FAT4: variants seen among roughly 807,000 people sequenced by gnomAD.
FAT4 encodes the protein protocadherin Fat 4.
FAT4 carries 84 observed loss-of-function variants against 303.9 expected under a neutral mutation model. That is an observed-to-expected ratio of 0.28 (90% CI 0.23 to 0.33). FAT4 has a LOEUF of 0.33. Ranked by LOEUF, FAT4 falls within the 10% of genes least tolerant of loss-of-function variation. The probability of loss-of-function intolerance (pLI) is 1.00; values close to 1 mark genes in which losing one functional copy is unlikely to be tolerated. For synonymous variants in FAT4, 2,307 were observed against 2,298.8 expected (o/e 1.00, Z -0.10); for missense variants, 6,005 against 6,146.8 (o/e 0.98, Z 0.77).
intron 16 of FAT4, 50 bp downstream of exon 16, chr4:125,481,788 T>C (rs1414615228): frequency 3.3e-6 from 5 of 1,520,110 alleles, no homozygotes; most frequent in Non-Finnish European, 4.6e-6. Flanking sequence ...GCCTGCCGTG[T>C]AGTGGTTTAA....
chr4:125,383,214 A>T (rs577211130), intron 2 of FAT4, among the ~76,000 whole-genome samples: 2 of 152,180 alleles, frequency 1.3e-5, no homozygotes, highest in African/African-American at 4.8e-5. Flanking sequence ...CAACTTATCT[A>T]CTTCACTAAG....
At chr4:125,408,871 T>A in intron 5 of FAT4, 77 bp downstream of exon 5, 1 of 797,514 alleles carries the variant, frequency 1.3e-6, no homozygotes, top group Non-Finnish European at 1.8e-6. Context: ...ATTTATTGTG[T>A]TGAGCTGTCA....
chr4:125,491,085 A>G lies in FAT4; in HGVS notation c.14269A>G (p.Ser4757Gly), dbSNP rs1253226137. ...YATRLGRRSK[S>G]PQAMASHGSR... ...CACAAGGCTGGGAAGGAGAAGCAAG[A>G]GTCCTCAGGCCATGGCATCACATGG... The change falls in exon 18 of 18, where the codon AGT becomes GGT. Residue 4757 changes from serine to glycine, a missense_variant. Coordinates refer to ENST00000394329, the MANE Select transcript of FAT4 (RefSeq NM_001291303.3). 6.2e-7 allele frequency: 1 copy of G among 1,614,102 alleles called. No homozygotes were observed. Among genetic ancestry groups the G allele is most frequent in the Non-Finnish European group, 8.5e-7 (1 of 1,180,050 alleles).
At chr4:125,412,346 A>G (rs183747291) in intron 5 of FAT4, among the ~76,000 whole-genome samples, 1 of 151,976 alleles carries the variant, frequency 6.6e-6, no homozygotes, top group Non-Finnish European at 1.5e-5. Flanking sequence ...TCAGTTCCTG[A>G]GATGAGAGCT....
chr4:125,385,024 A>ATTT (rs70960372), intron 2 of FAT4, among the ~76,000 whole-genome samples: 4 of 94,430 alleles, frequency 4.2e-5, no homozygotes, highest in East Asian at 6.7e-4. Flanking sequence ...ATATATATAT[A>ATTT]TTTTTTTTTT....
At position 125,449,502 on chromosome 4, in the gene FAT4, T is replaced by A; in HGVS notation, c.8492T>A (p.Ile2831Lys). 6.2e-7 allele frequency: 1 copy of A among 1,613,930 alleles called. No homozygotes were observed. The highest frequency in any genetic ancestry group is 8.5e-7 in the Non-Finnish European group (1 of 1,179,878). Residue 2831 changes from isoleucine to lysine, a missense_variant, in exon 10 of 18, where the codon ATA becomes AAA. By Grantham distance (102) the Ile-to-Lys change is moderately radical. Coordinates refer to ENST00000394329, the MANE Select transcript of FAT4 (RefSeq NM_001291303.3). ...AATCCCAGCACAGGGGATATTGTCA[T>A]AAGCAGACCTTTAAATAGGGAAGAT... ...TINPSTGDIV[I>K]SRPLNREDTD...
In FAT4 at chr4:125,448,535, G is replaced by T; in HGVS notation, c.7525G>T (p.Gly2509Cys). The T allele has an allele frequency of 6.2e-7, 1 of 1,613,686 alleles. No homozygotes were observed. Among genetic ancestry groups the T allele is most frequent in the South Asian group, 1.1e-5 (1 of 91,070 alleles). The change falls in exon 10 of 18, where the codon GGT (glycine) becomes TGT (cysteine). Residue 2509 changes from glycine (G) to cysteine (C), a missense_variant. Gly to Cys is a radical substitution (Grantham distance 159). Coordinates refer to ENST00000394329, the MANE Select transcript of FAT4 (RefSeq NM_001291303.3). ...TTCTGAACTGCATTATTCTCTTTCGGGTAGAAATTCTGAAAAATTTCACAT... is the reference window on the plus strand; with the variant it reads ...TTCTGAACTGCATTATTCTCTTTCGTGTAGAAATTCTGAAAAATTTCACAT... ...PNSELHYSLS[G>C]RNSEKFHIDP...
intron 4 of FAT4, among the ~76,000 whole-genome samples, chr4:125,407,478 C>CAA (rs11411219): frequency 2.6e-3 from 382 of 149,510 alleles, no homozygotes; most frequent in South Asian, 9.1e-3. Flanking sequence ...AAAAGAACAG[C>CAA]AAAAAAAAAA....
intron 8 of FAT4, among the ~76,000 whole-genome samples, chr4:125,441,808 G>T (rs1366562527): frequency 2.0e-5 from 3 of 152,264 alleles, no homozygotes; most frequent in Non-Finnish European, 2.9e-5. Context: ...ATGGCCAAAA[G>T]TTCAGTATTA....
At chr4:125,471,609 G>A (rs1184655022) in intron 12 of FAT4, among the ~76,000 whole-genome samples, 3 of 151,842 alleles carry the variant, frequency 2.0e-5, no homozygotes, top group Admixed American at 6.6e-5. Flanking sequence ...GAATGGAATG[G>A]CTTATTTATT....
chr4:125,432,502 T>C (rs1248908866), intron 7 of FAT4, among the ~76,000 whole-genome samples: 1 of 152,240 alleles, frequency 6.6e-6, no homozygotes, highest in Admixed American at 6.5e-5. Context: ...TTGACAGTCT[T>C]ATTTGATGTG....
At chr4:125,440,095 T>C (rs1725600961) in intron 8 of FAT4, among the ~76,000 whole-genome samples, 1 of 152,126 alleles carries the variant, frequency 6.6e-6, no homozygotes, top group South Asian at 2.1e-4. Context: ...CATATCATCT[T>C]TTTTACTCCT....
chr4:125,417,091 C>T (rs1385947000), intron 7 of FAT4, among the ~76,000 whole-genome samples: 2 of 152,132 alleles, frequency 1.3e-5, no homozygotes, highest in Non-Finnish European at 2.9e-5. Flanking sequence ...GCACATCATT[C>T]ACTTTATGAC....
chr4:125,460,524 G>A (rs141880214), intron 10 of FAT4, among the ~76,000 whole-genome samples: 3,321 of 152,106 alleles, frequency 0.022, 82 homozygotes, highest in Non-Finnish European at 0.028. Flanking sequence ...TTATAAGTGA[G>A]AACAGGTGGT....
intron 2 of FAT4, among the ~76,000 whole-genome samples, chr4:125,374,941 C>T (rs1053698454): frequency 6.6e-6 from 1 of 152,118 alleles, no homozygotes; most frequent in Non-Finnish European, 1.5e-5. Flanking sequence ...AAAATGTAGG[C>T]TTGTTAGCAT....
intron 2 of FAT4, among the ~76,000 whole-genome samples, chr4:125,333,584 C>T (rs1731467223): frequency 6.6e-6 from 1 of 152,078 alleles, no homozygotes; most frequent in Non-Finnish European, 1.5e-5. Context: ...GGTTTTTTCA[C>T]ATTAGCATAT....
chr4:125,463,294 A>G (rs1355804889), intron 10 of FAT4, among the ~76,000 whole-genome samples: 1 of 152,050 alleles, frequency 6.6e-6, no homozygotes, highest in African/African-American at 2.4e-5. Context: ...TATGTTTATC[A>G]TGTCATTTCT....
intron 7 of FAT4, among the ~76,000 whole-genome samples, chr4:125,425,896 G>C (rs1725070374): frequency 6.6e-6 from 1 of 152,100 alleles, no homozygotes; most frequent in Non-Finnish European, 1.5e-5. Flanking sequence ...GAACAGTTCA[G>C]TTATTAGCAT....
rs759983724 is a variant in FAT4, at chr4:125,415,237, C to G, written c.6274C>G (p.Pro2092Ala). 1.2e-6 allele frequency: 2 copies of G among 1,613,996 alleles called. No homozygotes were observed. Among genetic ancestry groups the G allele is most frequent in the Non-Finnish European group, 1.7e-6 (2 of 1,179,958 alleles). Residue 2092 changes from proline to alanine, a missense_variant, in exon 6 of 18, where the codon CCT (proline) becomes GCT (alanine). Transcript: ENST00000394329. ...CTATATTGAGTACACTCTGCTGAAC[C>G]CTTTGGGAAACAAGTTCAGTATTGG... is the stretch of plus-strand genomic sequence containing the variant. Reference protein sequence around the residue: ...NSYIEYTLLNPLGNKFSIGTI... With the variant: ...NSYIEYTLLNALGNKFSIGTI...
Sources: gnomAD v4.1 joint callset for allele counts (sites outside exome capture counted in the v4.1 genomes callset) on GRCh38, gnomAD v4.1.1 for gene constraint, MANE v1.5 for transcripts, NCBI Gene and HGNC (gene_info 2026-07-23, HGNC 2026-07-21) for gene names.